NCK2: variants seen among roughly 807,000 people sequenced by gnomAD.
NCK2 encodes cytoplasmic protein NCK2.
NCK2 carries 16 observed loss-of-function variants against 33.9 expected under a neutral mutation model. That is an observed-to-expected ratio of 0.47 (90% CI 0.32 to 0.72). NCK2 has a LOEUF of 0.72. Ranked by LOEUF, NCK2 falls within the 30% of genes least tolerant of loss-of-function variation. The pLI is 0.03. For missense variants in NCK2, 418 were observed against 537.3 expected (o/e 0.78, Z 2.19); for synonymous variants, 273 against 239.9 (o/e 1.14, Z -1.27).
At chr2:105,854,815 C>T in intron 2 of NCK2, 1 of 407,122 alleles carries the variant, frequency 2.5e-6, no homozygotes, top group African/African-American at 2.0e-5. Flanking sequence ...TCAGATTTCC[C>T]CATGTACAGC....
chr2:105,780,656 AC>A (rs1008163022), intron 1 of NCK2, among the ~76,000 whole-genome samples: 1 of 151,788 alleles, frequency 6.6e-6, no homozygotes, highest in Non-Finnish European at 1.5e-5. Flanking sequence ...TTGAGATCCT[AC>A]CCCCCAAGGT....
At chr2:105,892,945 G>A in intron 4 of NCK2, 37 bp from the exon 5 acceptor site, 3 of 1,567,424 alleles carry the variant, frequency 1.9e-6, no homozygotes, top group South Asian at 2.3e-5. Context: ...GCTCCCCGCT[G>A]TGGCCCGGCT....
chr2:105,770,911 T>A (rs1307669338), intron 1 of NCK2, among the ~76,000 whole-genome samples: 1 of 115,574 alleles, frequency 8.7e-6, no homozygotes, highest in African/African-American at 4.1e-5. Context: ...TTTTTGTTTG[T>A]TTGTTTGTTT....
intron 1 of NCK2, among the ~76,000 whole-genome samples, chr2:105,753,333 G>A (rs1172905815): frequency 6.6e-6 from 1 of 152,166 alleles, no homozygotes; most frequent in Non-Finnish European, 1.5e-5. Context: ...AGGACCATTG[G>A]CCTGGCTGCT....
chr2:105,892,958 A>G, intron 4 of NCK2, 24 bp from the exon 5 acceptor site: 1 of 1,590,780 alleles, frequency 6.3e-7, no homozygotes, highest in East Asian at 2.3e-5. Flanking sequence ...GCCCGGCTGT[A>G]ACTGTGTTCT....
chr2:105,777,034 C>T (rs905374719), intron 1 of NCK2, among the ~76,000 whole-genome samples: 5 of 151,764 alleles, frequency 3.3e-5, no homozygotes, highest in East Asian at 3.9e-4. Flanking sequence ...AGAAAGCTGC[C>T]GCTGTCCCTA....
intron 1 of NCK2, among the ~76,000 whole-genome samples, chr2:105,768,770 A>G (rs1459600333): frequency 6.6e-6 from 1 of 152,194 alleles, no homozygotes; most frequent in Non-Finnish European, 1.5e-5. Context: ...CAGGGAAGCC[A>G]AAAGATTGGA....
At position 105,855,156 on chromosome 2, in the gene NCK2, G is replaced by A; in HGVS notation, c.93G>A (p.Leu31=). 2 of 1,614,222 alleles carry A rather than the reference G, an allele frequency of 1.2e-6. No homozygotes were observed. Among genetic ancestry groups the A allele is most frequent in the Non-Finnish European group, 8.5e-7 (1 of 1,180,048 alleles). ...LDIKKNERLW[L]LDDSKTWWRV... ...TCAAGAAGAACGAGCGGCTGTGGTTGCTGGACGACTCCAAGACGTGGTGGC... is the reference window on the plus strand; with the variant it reads ...TCAAGAAGAACGAGCGGCTGTGGTTACTGGACGACTCCAAGACGTGGTGGC... The change falls in exon 3 of 5, where the codon TTG becomes TTA. Residue 31 remains leucine (L), a synonymous_variant. Coordinates refer to ENST00000233154, the MANE Select transcript of NCK2 (RefSeq NM_003581.5).
chr2:105,767,010 C>G (rs775740823), intron 1 of NCK2, among the ~76,000 whole-genome samples: 11 of 152,148 alleles, frequency 7.2e-5, no homozygotes, highest in Non-Finnish European at 1.2e-4. Context: ...AGGACACCTG[C>G]CCAGGTGTGT....
intron 4 of NCK2, among the ~76,000 whole-genome samples, chr2:105,883,758 T>G (rs1678604448): frequency 6.6e-6 from 1 of 152,218 alleles, no homozygotes; most frequent in Non-Finnish European, 1.5e-5. Context: ...TGTTAGAGAA[T>G]GAGCTAACTT....
At position 105,881,631 on chromosome 2, in the gene NCK2, C is replaced by T. The variant is rs1243481771; in HGVS notation, c.530C>T (p.Pro177Leu). Residue 177 changes from proline to leucine, a missense_variant, in exon 4 of 5, where the codon CCA (proline) becomes CTA (leucine). Transcript: ENST00000233154. ...EEVDEAAAES[P>L]SFLSLRKGAS... ...GTGGACGAGGCGGCTGCGGAGTCCC[C>T]AAGCTTCCTGAGCCTGCGCAAGGGC... 6.2e-7 allele frequency: 1 copy of T among 1,613,604 alleles called. No individual in the cohort carries two copies. Among genetic ancestry groups the T allele is most frequent in the Admixed American group, 1.7e-5 (1 of 60,024 alleles).
chr2:105,886,531 T>C (rs1678727608), intron 4 of NCK2, among the ~76,000 whole-genome samples: 2 of 152,244 alleles, frequency 1.3e-5, no homozygotes, highest in South Asian at 4.1e-4. Context: ...TTCCAAATCC[T>C]GAGAACCTAT....
intron 3 of NCK2, among the ~76,000 whole-genome samples, chr2:105,875,353 C>T (rs555503526): frequency 3.3e-5 from 5 of 152,300 alleles, no homozygotes; most frequent in South Asian, 4.1e-4. Flanking sequence ...GCTGGCGGTA[C>T]GGGGTCTCCT....
At chr2:105,780,175 A>G (rs1373033529) in intron 1 of NCK2, among the ~76,000 whole-genome samples, 1 of 152,190 alleles carries the variant, frequency 6.6e-6, no homozygotes, top group Non-Finnish European at 1.5e-5. Flanking sequence ...AATAATAAAT[A>G]TTTATTGTAG....
intron 4 of NCK2, among the ~76,000 whole-genome samples, chr2:105,891,698 C>T (rs952768345): frequency 6.6e-6 from 1 of 151,762 alleles, no homozygotes; most frequent in African/African-American, 2.4e-5. Context: ...GGCACACTAC[C>T]ACCATGCCTG....
chr2:105,772,086 A>C (rs1043100708), intron 1 of NCK2, among the ~76,000 whole-genome samples: 6 of 150,462 alleles, frequency 4.0e-5, no homozygotes, highest in Non-Finnish European at 9.0e-5. Flanking sequence ...GGCTCAGCCG[A>C]GGGCAGTGTC....
intron 1 of NCK2, among the ~76,000 whole-genome samples, chr2:105,813,963 G>C (rs911730701): frequency 6.6e-6 from 1 of 152,218 alleles, no homozygotes; most frequent in African/African-American, 2.4e-5. Context: ...CACTCCTTCT[G>C]TATATTCCTG....
intron 2 of NCK2, among the ~76,000 whole-genome samples, chr2:105,844,575 A>AAAC (rs1491217303): frequency 6.0e-4 from 50 of 82,826 alleles, no homozygotes; most frequent in African/African-American, 1.7e-3. Flanking sequence ...AGAAAAAAAC[A>AAAC]AAAAAAAAAA....
chr2:105,782,962 G>A (rs1690550685), intron 1 of NCK2, among the ~76,000 whole-genome samples: 1 of 152,178 alleles, frequency 6.6e-6, no homozygotes, highest in South Asian at 2.1e-4. Context: ...TATTTCCGGT[G>A]TCATAACAAG....
Sources: gnomAD v4.1 joint callset for allele counts (sites outside exome capture counted in the v4.1 genomes callset) on GRCh38, gnomAD v4.1.1 for gene constraint, MANE v1.5 for transcripts, NCBI Gene and HGNC (gene_info 2026-07-23, HGNC 2026-07-21) for gene names.